BANK1: variants seen among roughly 807,000 people sequenced by gnomAD.
The protein encoded by BANK1 is B cell scaffold protein with ankyrin repeats 1, also known as B-cell scaffold protein with ankyrin repeats.
BANK1 carries 95 observed loss-of-function variants against 94.5 expected under a neutral mutation model. The ratio of observed to expected loss-of-function variants is 1.00; its 90% CI spans 0.85 to 1.19. The LOEUF is 1.19. Among genes scored for constraint, BANK1 ranks in the 50% most tolerant of loss-of-function variants. The pLI is 0.00. For missense variants in BANK1, 987 were observed against 932.2 expected, an observed-to-expected ratio of 1.06 and a Z score of -0.77; for synonymous variants, 334 against 308.4, an observed-to-expected ratio of 1.08 and a Z score of -0.87.
At chr4:101,803,113 T>C (rs1229429084) in intron 1 of BANK1, among the ~76,000 whole-genome samples, 1 of 152,030 alleles carries the variant, frequency 6.6e-6, no homozygotes, top group African/African-American at 2.4e-5. Flanking sequence ...TGCATTGTTG[T>C]CTCAACATTG....
At chr4:102,028,846 T>TC (rs1727188778) in intron 9 of BANK1, among the ~76,000 whole-genome samples, 1 of 152,142 alleles carries the variant, frequency 6.6e-6, no homozygotes, top group South Asian at 2.1e-4. Context: ...CCATTGATCA[T>TC]CCATGCTGTC....
chr4:101,899,973 C>T (rs748600687), intron 6 of BANK1, among the ~76,000 whole-genome samples: 2 of 152,208 alleles, frequency 1.3e-5, no homozygotes, highest in Non-Finnish European at 2.9e-5. Flanking sequence ...AGCCCTTCTC[C>T]ACTTTTCAAT....
Position 101,896,404 on chromosome 4 carries a change from CAGCCTGGA to C in BANK1, c.1009+997_1009+1004del, listed in dbSNP as rs149243356. Among the ~76,000 whole-genome samples the C allele has an allele frequency of 5.8e-3, 876 of 152,008 alleles. 13 individuals carry two copies. In the East Asian group the frequency reaches 0.058, roughly 10 times the overall value. On this transcript the variant is annotated intron_variant, in intron 6 of 16. Transcript: ENST00000322953. ...GTGCTATTTAAAGCAGTTTTGTCATCAGCCTGGAAGGCTTCAAGACAGTAATAAGAAAA... is the reference window on the plus strand; with the variant it reads ...GTGCTATTTAAAGCAGTTTTGTCATCAGGCTTCAAGACAGTAATAAGAAAA...
intron 2 of BANK1, among the ~76,000 whole-genome samples, chr4:101,846,820 G>A (rs541266394): frequency 1.5e-3 from 230 of 152,252 alleles, no homozygotes; most frequent in African/African-American, 5.3e-3. Flanking sequence ...GATTTGTGTA[G>A]GAACACAGAG....
chr4:101,999,216 T>C lies in BANK1; in HGVS notation c.1207-22298T>C, dbSNP rs187012910. Among the ~76,000 whole-genome samples, 906 of 152,334 alleles carry C rather than the reference T, an allele frequency of 5.9e-3. 7 individuals carry two copies. The highest frequency in any genetic ancestry group is 9.6e-3 in the Non-Finnish European group (653 of 68,016). ...AGTTGAATACTCTCAATATTAAAGC[T>C]CATGCCCTCCAGTTTGGGCATATTT... On this transcript the variant is annotated intron_variant, in intron 7 of 16. Transcript: ENST00000322953.
chr4:101,792,470 T>TGTG (rs1491125013), intron 1 of BANK1, among the ~76,000 whole-genome samples: 786 of 41,088 alleles, frequency 0.019, 3 homozygotes, highest in East Asian at 0.1. Context: ...TGTGTGTGTG[T>TGTG]TTTTTTTTTT....
intron 11 of BANK1, among the ~76,000 whole-genome samples, chr4:102,057,106 A>C (rs1446957032): frequency 6.6e-6 from 1 of 152,194 alleles, no homozygotes; most frequent in Non-Finnish European, 1.5e-5. Context: ...CTTGGAACTT[A>C]CAAATAAATC....
At chr4:101,834,945 A>G (rs1261628559) in intron 2 of BANK1, among the ~76,000 whole-genome samples, 1 of 152,150 alleles carries the variant, frequency 6.6e-6, no homozygotes, top group African/African-American at 2.4e-5. Context: ...TAAAAGACAC[A>G]GTAATTTATA....
chr4:101,794,841 T>TG (rs5860692), intron 1 of BANK1, among the ~76,000 whole-genome samples: 136,669 of 152,176 alleles, frequency 0.9, 61,711 homozygotes, highest in African/African-American at 0.98. Context: ...ATCAATGCTT[T>TG]TGATCTTTTA....
intron 5 of BANK1, among the ~76,000 whole-genome samples, chr4:101,888,846 C>T (rs1401253888): frequency 6.6e-6 from 1 of 152,174 alleles, no homozygotes; most frequent in Non-Finnish European, 1.5e-5. Context: ...TACAGCACTC[C>T]AGTGATCTGA....
chr4:101,799,278 G>C (rs1317274057), intron 1 of BANK1, among the ~76,000 whole-genome samples: 1 of 152,136 alleles, frequency 6.6e-6, no homozygotes, highest in African/African-American at 2.4e-5. Flanking sequence ...TTATAGATGT[G>C]TGGTATTATT....
At chr4:101,972,630 G>A (rs769715597) in intron 7 of BANK1, 31 of 151,958 alleles carry the variant, frequency 2.0e-4, no homozygotes, top group Non-Finnish European at 3.4e-4. Flanking sequence ...TAAATGTTTA[G>A]CAGTCAGTAG....
intron 1 of BANK1, among the ~76,000 whole-genome samples, 176 bp downstream of exon 1, chr4:101,791,126 G>T (rs1724968564): frequency 6.6e-6 from 1 of 152,202 alleles, no homozygotes; most frequent in Admixed American, 6.5e-5. Context: ...TTCTGTCCCT[G>T]ACTTCTCTGA....
chr4:102,047,790 T>C (rs191116717), intron 11 of BANK1, among the ~76,000 whole-genome samples: 249 of 152,104 alleles, frequency 1.6e-3, no homozygotes, highest in African/African-American at 5.5e-3. Context: ...GAATGTTTGA[T>C]CTTATCAGTT....
intron 7 of BANK1, among the ~76,000 whole-genome samples, chr4:102,014,139 G>T (rs957488726): frequency 6.6e-6 from 1 of 152,028 alleles, no homozygotes; most frequent in Admixed American, 6.6e-5. Flanking sequence ...GTTTAAATGG[G>T]ATATTTAACA....
intron 7 of BANK1, among the ~76,000 whole-genome samples, chr4:102,008,089 C>A (rs1468361059): frequency 6.6e-6 from 1 of 152,144 alleles, no homozygotes; most frequent in Non-Finnish European, 1.5e-5. Context: ...TATGTGTCAT[C>A]TGCCCACAGT....
intron 2 of BANK1, among the ~76,000 whole-genome samples, chr4:101,839,816 T>C (rs1726962037): frequency 6.6e-6 from 1 of 151,896 alleles, no homozygotes; most frequent in Non-Finnish European, 1.5e-5. Context: ...GTGATTTATA[T>C]CTAATGTGTA....
At chr4:101,911,422 A>G (rs1235031332) in intron 6 of BANK1, among the ~76,000 whole-genome samples, 4 of 152,168 alleles carry the variant, frequency 2.6e-5, no homozygotes, top group Non-Finnish European at 5.9e-5. Flanking sequence ...CAATCCTAGA[A>G]ACATTGTAAT....
chr4:101,893,070 G>A (rs979010552), intron 5 of BANK1, among the ~76,000 whole-genome samples: 1 of 151,908 alleles, frequency 6.6e-6, no homozygotes, highest in Non-Finnish European at 1.5e-5. Context: ...TAACTATGGT[G>A]GGCTGGAATA....
Sources: gnomAD v4.1 joint callset for allele counts (sites outside exome capture counted in the v4.1 genomes callset) on GRCh38, gnomAD v4.1.1 for gene constraint, MANE v1.5 for transcripts, NCBI Gene and HGNC (gene_info 2026-07-23, HGNC 2026-07-21) for gene names.